Variants in MLYCD observed in about 807,000 individuals in gnomAD.
MLYCD encodes the protein malonyl-CoA decarboxylase, mitochondrial.
A neutral mutation model predicts 35.8 loss-of-function variants in MLYCD; 27 were observed. That is an observed-to-expected ratio of 0.75 (90% CI 0.56 to 1.04). MLYCD has a LOEUF of 1.04. Ranked by LOEUF, MLYCD falls within the 50% of genes least tolerant of loss-of-function variation. The pLI, the probability that MLYCD is intolerant of heterozygous loss-of-function variation, is 0.00. For missense variants in MLYCD, 917 were observed against 665.1 expected, an observed-to-expected ratio of 1.38 and a Z score of -4.17; for synonymous variants, 403 against 302.4, an observed-to-expected ratio of 1.33 and a Z score of -3.45.
At position 83,920,103 on chromosome 16, in the gene MLYCD, C is replaced by T. The variant is rs2045320040; in HGVS notation, c.*4614C>T. On this transcript the variant is annotated 3_prime_UTR_variant, in exon 5 of 5. Coordinates refer to ENST00000262430, the MANE Select transcript of MLYCD (RefSeq NM_012213.3). Reference sequence around the variant, plus strand: ...GCACAGAACACAGTCCACAGGACAGCACACGGTACACAGCAGAACACCCGC... The same window carrying T: ...GCACAGAACACAGTCCACAGGACAGTACACGGTACACAGCAGAACACCCGC... 1 of 151,938 alleles carries T rather than the reference C, an allele frequency of 6.6e-6. No homozygotes were observed. The highest frequency in any genetic ancestry group is 2.1e-4 in the South Asian group (1 of 4,804). The allele number at this position is 151,938 out of a possible 1,614,324, so 9.4% of individuals were successfully genotyped here. A position where few individuals can be genotyped will look rare whatever the true frequency, so the allele number is the denominator to read the frequency against.
Position 83,899,290 on chromosome 16 carries a change from C to G in MLYCD, c.146C>G (p.Pro49Arg), listed in dbSNP as rs1228709643. The change falls in exon 1 of 5, where the codon CCG becomes CGG. Residue 49 changes from proline (P) to arginine (R), a missense_variant. By Grantham distance (103) the Pro-to-Arg change is moderately radical (BLOSUM62 -2). Coordinates refer to ENST00000262430, the MANE Select transcript of MLYCD (RefSeq NM_012213.3). The part of the protein sequence containing the change: ...AMDELLRRAV[P>R]PTPAYELREK... The stretch of plus-strand genomic sequence containing the variant: ...GACGAGCTGCTGCGCCGCGCGGTGC[C>G]GCCGACGCCGGCCTACGAGCTGCGC... 6.8e-7 allele frequency: 1 copy of G among 1,478,508 alleles called. No homozygotes were observed. The highest frequency in any genetic ancestry group is 8.9e-7 in the Non-Finnish European group (1 of 1,120,648). 91.6% of individuals were successfully genotyped at this position (1,478,508 alleles called of 1,614,324 possible).
rs558316423 is a variant in MLYCD at position 83,908,375 on chromosome 16, C to CTT, written c.798+106_798+107dup. On this transcript the variant is annotated intron_variant, in intron 3 of 4. Coordinates refer to ENST00000262430, the MANE Select transcript of MLYCD (RefSeq NM_012213.3). ...TTTGTTTTTACTTGATTTTATCCTC[C>CTT]TTTTTTTTTTTTTTAAATAAATGGT... 3.9e-4 allele frequency: 459 copies of CTT among 1,171,632 alleles called. 1 individual carries two copies. The highest frequency in any genetic ancestry group is 1.2e-3 in the Middle Eastern group (4 of 3,378). The allele number at this position is 1,171,632 out of a possible 1,614,324, so 72.6% of individuals were successfully genotyped here.
intron 4 of MLYCD, chr16:83,913,310 C>T (rs1223082431): frequency 6.6e-6 from 1 of 152,278 alleles, no homozygotes; most frequent in African/African-American, 2.4e-5. Flanking sequence ...CCTCTGTCTT[C>T]ACTGAGGGTG....
intron 1 of MLYCD, among the ~76,000 whole-genome samples, chr16:83,901,722 A>T (rs1362170204): frequency 1.3e-5 from 2 of 152,208 alleles, no homozygotes; most frequent in African/African-American, 2.4e-5. Context: ...AGACACTCAC[A>T]TCCAGACTTG....
intron 1 of MLYCD, among the ~76,000 whole-genome samples, chr16:83,900,043 A>G (rs1464253779): frequency 6.6e-6 from 1 of 152,212 alleles, no homozygotes; most frequent in Non-Finnish European, 1.5e-5. Context: ...CCTGAACTAG[A>G]GCATCAGGCA....
Position 83,920,520 on chromosome 16 carries a change from C to G in MLYCD, c.*5031C>G, listed in dbSNP as rs1018319269. ...TCTCGTTCTCTCCCTCTTCCCTTTC[C>G]CCTTCCTCCCTCCTGCCCTCGAATC... On this transcript the variant is annotated 3_prime_UTR_variant, in exon 5 of 5. Coordinates refer to ENST00000262430, the MANE Select transcript of MLYCD (RefSeq NM_012213.3). 6.6e-6 allele frequency: 1 copy of G among 152,390 alleles called. No homozygotes were observed. Among genetic ancestry groups the G allele is most frequent in the Non-Finnish European group, 1.5e-5 (1 of 68,142 alleles). 9.4% of individuals were successfully genotyped at this position (152,390 alleles called of 1,614,324 possible). A position where few individuals can be genotyped will look rare whatever the true frequency, so the allele number is the denominator to read the frequency against.
Position 83,899,529 on chromosome 16 carries a change from C to G in MLYCD, c.385C>G (p.Leu129Val), listed in dbSNP as rs747340882. 1.3e-6 allele frequency: 2 copies of G among 1,590,132 alleles called. No homozygotes were observed. The highest frequency in any genetic ancestry group is 2.2e-5 in the South Asian group (2 of 90,368). ...GGTGCTGCTGCAGGCCGAGGACCGG[C>G]TGCGCTACGCGCTGGTGCCGCGCTA... ...AAVLLQAEDR[L>V]RYALVPRYRG... Residue 129 changes from leucine (L) to valine (V), a missense_variant, in exon 1 of 5, where the codon CTG (leucine) becomes GTG (valine). Leu to Val is a conservative substitution (Grantham distance 32). Transcript: ENST00000262430.
At chr16:83,911,779 A>T (rs996117362) in intron 3 of MLYCD, 2 of 221,848 alleles carry the variant, frequency 9.0e-6, no homozygotes, top group Non-Finnish European at 1.8e-5. Context: ...GTTCAGAGAA[A>T]AGGAGGAAAA....
intron 1 of MLYCD, among the ~76,000 whole-genome samples, chr16:83,902,350 C>T (rs1906826146): frequency 6.6e-6 from 1 of 150,958 alleles, no homozygotes; most frequent in Non-Finnish European, 1.5e-5. Context: ...GGTGTGAGCC[C>T]AGATGTAATT....
At position 83,917,667 on chromosome 16, in the gene MLYCD, GCGGGCAGAGTTCTTTAC is replaced by G. The variant is rs1356924330; in HGVS notation, c.*2181_*2197del. ...TCCTGGCAACCTGCCCGCCCTTCTTGCGGGCAGAGTTCTTTACCGTAAGCGTCCCCAGACCCTCAGGC... is the reference window on the plus strand; with the variant it reads ...TCCTGGCAACCTGCCCGCCCTTCTTGCGTAAGCGTCCCCAGACCCTCAGGC... On this transcript the variant is annotated 3_prime_UTR_variant, in exon 5 of 5. Coordinates refer to ENST00000262430, the MANE Select transcript of MLYCD (RefSeq NM_012213.3). 1 of 152,246 alleles carries G rather than the reference GCGGGCAGAGTTCTTTAC, an allele frequency of 6.6e-6. No homozygotes were observed. The highest frequency in any genetic ancestry group is 1.5e-5 in the Non-Finnish European group (1 of 68,058). 9.4% of individuals were successfully genotyped at this position (152,246 alleles called of 1,614,324 possible). A position where few individuals can be genotyped will look rare whatever the true frequency, so the allele number is the denominator to read the frequency against.
At chr16:83,914,261 A>T (rs1016613977) in intron 4 of MLYCD, 1 of 157,798 alleles carries the variant, frequency 6.3e-6, no homozygotes, top group African/African-American at 2.4e-5. Context: ...TGATATGGAG[A>T]GATACCCGCA....
At chr16:83,910,047 C>G (rs970519668) in intron 3 of MLYCD, among the ~76,000 whole-genome samples, 1 of 152,114 alleles carries the variant, frequency 6.6e-6, no homozygotes, top group South Asian at 2.1e-4. Context: ...CGCATCCTGA[C>G]TCTAAGGGCA....
Position 83,907,184 on chromosome 16 carries a change from A to G in MLYCD, c.641+85A>G, listed in dbSNP as rs568463168. 192 of 1,147,946 alleles carry G rather than the reference A, an allele frequency of 1.7e-4. 1 individual carries two copies. The highest frequency in any genetic ancestry group is 2.1e-4 in the Non-Finnish European group (160 of 766,704). 71.1% of individuals were successfully genotyped at this position (1,147,946 alleles called of 1,614,324 possible). ...TTTTATATTGGCTAAAAGCTAATCT[A>G]TCTCCATTCATATGTACAGTTTATT... On this transcript the variant is annotated intron_variant, in intron 2 of 4. Coordinates refer to ENST00000262430, the MANE Select transcript of MLYCD (RefSeq NM_012213.3).
rs759567844 is a variant in MLYCD at position 83,899,413 on chromosome 16, G to T, written c.269G>T (p.Arg90Leu). The change falls in exon 1 of 5, where the codon CGC becomes CTC. Residue 90 changes from arginine (R) to leucine (L), a missense_variant. Arg to Leu is a moderately radical substitution (Grantham distance 102, BLOSUM62 -2). Coordinates refer to ENST00000262430, the MANE Select transcript of MLYCD (RefSeq NM_012213.3). Reference sequence around the variant, plus strand: ...GCCCAGCGGGCCGAACTGCTGGGCCGCCTGGCGCGGGGCTTCGGCGTGGAC... The same window carrying T: ...GCCCAGCGGGCCGAACTGCTGGGCCTCCTGGCGCGGGGCTTCGGCGTGGAC... The part of the protein sequence containing the change: ...ETAQRAELLG[R>L]LARGFGVDHG... The T allele has an allele frequency of 6.6e-7, 1 of 1,515,202 alleles. No homozygotes were observed. Among genetic ancestry groups the T allele is most frequent in the Non-Finnish European group, 8.8e-7 (1 of 1,140,590 alleles). 93.9% of individuals were successfully genotyped at this position (1,515,202 alleles called of 1,614,324 possible).
At chr16:83,903,304 G>A (rs1248008707) in intron 1 of MLYCD, among the ~76,000 whole-genome samples, 1 of 152,146 alleles carries the variant, frequency 6.6e-6, no homozygotes, top group Non-Finnish European at 1.5e-5. Flanking sequence ...AGTTAATTGA[G>A]TACTCCTTGT....
chr16:83,909,239 C>T, intron 3 of MLYCD, among the ~76,000 whole-genome samples: 1 of 150,866 alleles, frequency 6.6e-6, no homozygotes, highest in Middle Eastern at 3.2e-3. Flanking sequence ...CTCCTAGGAA[C>T]TTCTCCTGGG....
rs555415209 is a variant in MLYCD, at chr16:83,926,361, T to G, written c.*10872T>G. ...GGGAAGGAGGGTCCCTGTCCCCGTTTGACGGGTGACGACACTGAGGCCCAG... is the reference window on the plus strand; with the variant it reads ...GGGAAGGAGGGTCCCTGTCCCCGTTGGACGGGTGACGACACTGAGGCCCAG... On this transcript the variant is annotated 3_prime_UTR_variant, in exon 5 of 5. Transcript: ENST00000262430. 155 of 152,614 alleles carry G rather than the reference T, an allele frequency of 1.0e-3. No individual in the cohort carries two copies. Among genetic ancestry groups the G allele is most frequent in the African/African-American group, 3.4e-3 (141 of 41,602 alleles). The allele number at this position is 152,614 out of a possible 1,614,324, so 9.5% of individuals were successfully genotyped here. A position where few individuals can be genotyped will look rare whatever the true frequency, so the allele number is the denominator to read the frequency against.
At chr16:83,909,863 C>T (rs1907111824) in intron 3 of MLYCD, among the ~76,000 whole-genome samples, 1 of 151,520 alleles carries the variant, frequency 6.6e-6, no homozygotes, top group South Asian at 2.1e-4. Flanking sequence ...GAACTCCCGA[C>T]CTCAGGTGAT....
In MLYCD at chr16:83,919,779, A is replaced by C. The variant is rs66579515; in HGVS notation, c.*4290A>C. 1.3e-5 allele frequency: 2 copies of C among 151,588 alleles called. No individual in the cohort carries two copies. Among genetic ancestry groups the C allele is most frequent in the African/African-American group, 2.4e-5 (1 of 40,900 alleles). 9.4% of individuals were successfully genotyped at this position (151,588 alleles called of 1,614,324 possible). A position where few individuals can be genotyped will look rare whatever the true frequency, so the allele number is the denominator to read the frequency against. Reference sequence around the variant, plus strand: ...GTGCACAGGAGAACACATGGTGCACAGGAGAACACACGGTGTACAGAACAC... The same window carrying C: ...GTGCACAGGAGAACACATGGTGCACCGGAGAACACACGGTGTACAGAACAC... On this transcript the variant is annotated 3_prime_UTR_variant, in exon 5 of 5. Transcript: ENST00000262430.
Sources: allele counts gnomAD v4.1 joint callset (sites outside exome capture counted in the v4.1 genomes callset), GRCh38; gene constraint gnomAD v4.1.1; transcripts MANE v1.5; gene names NCBI Gene and HGNC (gene_info 2026-07-23, HGNC 2026-07-21).